The following KIF25 variants were observed in gnomAD, a reference collection of about 807,000 sequenced individuals.
The protein encoded by KIF25 is kinesin-like protein KIF25.
A neutral mutation model predicts 32.9 loss-of-function variants in KIF25; 19 were observed. The ratio of observed to expected loss-of-function variants is 0.58; its 90% CI spans 0.40 to 0.85. The LOEUF (loss-of-function observed/expected upper bound fraction) is 0.85. KIF25 is among the 40% of genes least tolerant of loss of function. The pLI, the probability that KIF25 is intolerant of heterozygous loss-of-function variation, is 0.00. For missense variants in KIF25, 485 were observed against 507.0 expected (o/e 0.96, Z 0.42); for synonymous variants, 225 against 213.7 (o/e 1.05, Z -0.46).
chr6:168,038,105 T>C lies in KIF25; in HGVS notation c.318-448T>C, dbSNP rs559122708. Among the ~76,000 whole-genome samples, 11 of 152,302 alleles carry C rather than the reference T, an allele frequency of 7.2e-5. No individual in the cohort carries two copies. The South Asian group carries it at 2.3e-3, about 32-fold the overall frequency. On this transcript the variant is annotated intron_variant, in intron 8 of 12. Transcript: ENST00000643607. Reference sequence around the variant, plus strand: ...GCGTAAGTGGAATTGGAATAAACTCTGGACTGAAGCTTCCCTGAAGTGGAA... The same window carrying C: ...GCGTAAGTGGAATTGGAATAAACTCCGGACTGAAGCTTCCCTGAAGTGGAA...
intron 12 of KIF25, among the ~76,000 whole-genome samples, chr6:168,043,628 G>T (rs1207660631): frequency 1.3e-5 from 2 of 152,202 alleles, no homozygotes; most frequent in Non-Finnish European, 2.9e-5. Context: ...AGACCACCTG[G>T]TACTCTTGGA....
rs547463328 is a variant in KIF25 at position 168,010,526 on chromosome 6, C to T, written c.-163+6823C>T. 3.9e-5 allele frequency among the ~76,000 whole-genome samples: 6 copies of T among 152,174 alleles called. No individual in the cohort carries two copies. The East Asian group carries it at 7.7e-4, about 20-fold the overall frequency. ...TTTTGATTGAAAAAAATTGTTGAGG[C>T]TTGTTTTGTGTCCTAACATGTGGTC... is the stretch of plus-strand genomic sequence containing the variant. On this transcript the variant is annotated intron_variant, in intron 4 of 12. Transcript: ENST00000643607.
At chr6:167,999,810 G>T (rs1290782630) in intron 2 of KIF25, among the ~76,000 whole-genome samples, 1 of 152,146 alleles carries the variant, frequency 6.6e-6, no homozygotes, top group Non-Finnish European at 1.5e-5. Context: ...ATTATCTGAA[G>T]TTCATTTACT....
chr6:168,012,532 C>A lies in KIF25; in HGVS notation c.-162-5441C>A, dbSNP rs541772027. Among the ~76,000 whole-genome samples, 129 of 152,202 alleles carry A rather than the reference C, an allele frequency of 8.5e-4. 1 individual carries two copies. The highest frequency in any genetic ancestry group is 1.7e-3 in the Non-Finnish European group (113 of 68,042). On this transcript the variant is annotated intron_variant, in intron 4 of 12. Coordinates refer to ENST00000643607, the MANE Select transcript of KIF25 (RefSeq NM_030615.4). ...CTATATCTCGGGTTCGGGATACACACATGCACACGGTAGGTCACCCAACAT... is the reference window on the plus strand; with the variant it reads ...CTATATCTCGGGTTCGGGATACACAAATGCACACGGTAGGTCACCCAACAT...
chr6:168,034,441 TAG>T (rs1159234599), intron 8 of KIF25, among the ~76,000 whole-genome samples: 1 of 152,116 alleles, frequency 6.6e-6, no homozygotes, highest in Non-Finnish European at 1.5e-5. Flanking sequence ...GTATTTTTAG[TAG>T]AGACGGAGTT....
intron 5 of KIF25, among the ~76,000 whole-genome samples, chr6:168,026,085 G>T (rs1471023320): frequency 6.6e-6 from 1 of 152,228 alleles, no homozygotes; most frequent in Non-Finnish European, 1.5e-5. Flanking sequence ...CTAGTTAAAC[G>T]ATGGCTTTTA....
intron 5 of KIF25, among the ~76,000 whole-genome samples, chr6:168,027,141 A>AG (rs1456451033): frequency 6.6e-6 from 1 of 152,114 alleles, no homozygotes; most frequent in African/African-American, 2.4e-5. Flanking sequence ...GCTAACCAGG[A>AG]GTTAACCAGG....
Position 168,012,541 on chromosome 6 carries a change from G to A in KIF25, c.-162-5432G>A, listed in dbSNP as rs149236907. ...GGGTTCGGGATACACACATGCACAC[G>A]GTAGGTCACCCAACATGGGGTCTGG... On this transcript the variant is annotated intron_variant, in intron 4 of 12. Transcript: ENST00000643607. Among the ~76,000 whole-genome samples the A allele has an allele frequency of 1.4e-4, 22 of 152,306 alleles. No individual in the cohort carries two copies. In the East Asian group the frequency reaches 3.1e-3, roughly 21 times the overall value.
chr6:168,030,993 C>T, intron 7 of KIF25, 146 bp downstream of exon 7: 1 of 589,562 alleles, frequency 1.7e-6, no homozygotes, highest in Non-Finnish European at 3.0e-6. Context: ...CCAGCATGGA[C>T]TCCACTTGCA....
intron 6 of KIF25, among the ~76,000 whole-genome samples, chr6:168,030,094 G>A (rs545070115): frequency 1.8e-4 from 28 of 152,302 alleles, no homozygotes; most frequent in Admixed American, 1.5e-3. Context: ...TTCTCTCACC[G>A]TGCTCCAGGC....
chr6:168,029,178 A>G (rs1461641685), intron 5 of KIF25, among the ~76,000 whole-genome samples: 2 of 152,172 alleles, frequency 1.3e-5, no homozygotes, highest in African/African-American at 4.8e-5. Flanking sequence ...TTTCCCTCCT[A>G]TTATGGGAAA....
chr6:168,016,603 C>A (rs138489800), intron 4 of KIF25, among the ~76,000 whole-genome samples: 1 of 152,208 alleles, frequency 6.6e-6, no homozygotes, highest in Non-Finnish European at 1.5e-5. Flanking sequence ...AGGACCCAAG[C>A]GACCTCTCCC....
intron 10 of KIF25, among the ~76,000 whole-genome samples, chr6:168,041,100 C>G (rs944564389): frequency 2.6e-5 from 4 of 152,204 alleles, no homozygotes; most frequent in Admixed American, 1.3e-4. Flanking sequence ...GGGGCCGGAA[C>G]ATGAGACTGT....
chr6:168,037,710 A>C (rs1458183152), intron 8 of KIF25, among the ~76,000 whole-genome samples: 1 of 152,184 alleles, frequency 6.6e-6, no homozygotes. Flanking sequence ...AAGCCAGTGC[A>C]TAGTTCTTTA....
At chr6:168,031,026 C>A (rs1374711637) in intron 7 of KIF25, among the ~76,000 whole-genome samples, 179 bp downstream of exon 7, 1 of 152,150 alleles carries the variant, frequency 6.6e-6, no homozygotes, top group African/African-American at 2.4e-5. Context: ...ATTTCCGCAC[C>A]CTGGGAAAAG....
At chr6:168,043,083 A>T (rs191312085) in intron 12 of KIF25, among the ~76,000 whole-genome samples, 1 of 152,050 alleles carries the variant, frequency 6.6e-6, no homozygotes, top group Non-Finnish European at 1.5e-5. Flanking sequence ...TTAGGCCCCA[A>T]GTTCCTTGGG....
chr6:168,013,971 C>T (rs547596683), intron 4 of KIF25, among the ~76,000 whole-genome samples: 10 of 151,624 alleles, frequency 6.6e-5, no homozygotes, highest in South Asian at 2.1e-4. Flanking sequence ...CTCTCATCAG[C>T]GTCTTGCTGA....
chr6:168,023,261 C>T (rs1303518016), intron 5 of KIF25, among the ~76,000 whole-genome samples: 1 of 140,854 alleles, frequency 7.1e-6, no homozygotes, highest in Non-Finnish European at 1.5e-5. Flanking sequence ...TAGGAAGTTT[C>T]CTTCTTCCTT....
intron 5 of KIF25, among the ~76,000 whole-genome samples, chr6:168,027,948 T>A (rs1428250511): frequency 1.3e-5 from 2 of 152,274 alleles, no homozygotes; most frequent in East Asian, 3.9e-4. Flanking sequence ...TCTCAGTCTG[T>A]CGTTTGCTTC....
Sources: allele counts gnomAD v4.1 joint callset (sites outside exome capture counted in the v4.1 genomes callset), GRCh38; gene constraint gnomAD v4.1.1; transcripts MANE v1.5; gene names NCBI Gene and HGNC (gene_info 2026-07-23, HGNC 2026-07-21).